Variants in LRRC8D observed in about 807,000 individuals in gnomAD.
The protein encoded by LRRC8D is volume-regulated anion channel subunit LRRC8D.
LRRC8D carries 20 observed loss-of-function variants against 55.8 expected under a neutral mutation model. That is an observed-to-expected ratio of 0.36 (90% CI 0.25 to 0.52). LRRC8D has a LOEUF of 0.52. LRRC8D is among the 20% of genes least tolerant of loss of function. LRRC8D has a pLI of 0.93. For synonymous variants in LRRC8D, 352 were observed against 377.0 expected (o/e 0.93, Z 0.77); for missense variants, 651 against 1,030.8 (o/e 0.63, Z 5.05).
At chr1:89,843,558 C>T (rs1024907809) in intron 1 of LRRC8D, 80 bp from the exon 2 acceptor site, 2 of 688,724 alleles carry the variant, frequency 2.9e-6, no homozygotes, top group Admixed American at 4.1e-5. Context: ...TCTTGCCTCC[C>T]CGCCGCCCTG....
chr1:89,891,719 C>G (rs1662584595), intron 2 of LRRC8D, among the ~76,000 whole-genome samples: 1 of 152,130 alleles, frequency 6.6e-6, no homozygotes, highest in African/African-American at 2.4e-5. Flanking sequence ...TATAATGGTA[C>G]CCAACATTGT....
At chr1:89,909,278 C>T (rs1487903990) in intron 2 of LRRC8D, among the ~76,000 whole-genome samples, 1 of 151,852 alleles carries the variant, frequency 6.6e-6, no homozygotes, top group Non-Finnish European at 1.5e-5. Flanking sequence ...TTTTCTTCTG[C>T]TTGTGATTGT....
rs980229743 is a variant in LRRC8D at position 89,934,319 on chromosome 1, G to C, written c.1251G>C (p.Ala417=). Residue 417 remains alanine (A), a synonymous_variant, in exon 3 of 3, where the codon GCG becomes GCC. Transcript: ENST00000337338. The surrounding 1 kb of genome is among the most constrained non-coding windows in gnomAD (Gnocchi z 5.9). ...TTCCAGATGTCAAAAACGATTTTGCGTTCCTTCTTCACATGGTAGACCAGT... is the reference window on the plus strand; with the variant it reads ...TTCCAGATGTCAAAAACGATTTTGCCTTCCTTCTTCACATGGTAGACCAGT... ...SDIPDVKNDF[A]FLLHMVDQYD... The C allele has an allele frequency of 2.5e-6, 4 of 1,613,812 alleles. No individual in the cohort carries two copies. The highest frequency in any genetic ancestry group is 2.5e-6 in the Non-Finnish European group (3 of 1,179,822).
chr1:89,874,963 A>G (rs1662113161), intron 2 of LRRC8D, among the ~76,000 whole-genome samples: 1 of 152,154 alleles, frequency 6.6e-6, no homozygotes, highest in African/African-American at 2.4e-5. Flanking sequence ...TATAATGGGA[A>G]TTTGAATCAT....
chr1:89,908,269 T>C (rs1663045028), intron 2 of LRRC8D, among the ~76,000 whole-genome samples: 1 of 152,256 alleles, frequency 6.6e-6, no homozygotes, highest in South Asian at 2.1e-4. Flanking sequence ...ATTTACAAAG[T>C]ATTTCATATT....
At chr1:89,868,355 A>G (rs1227607987) in intron 2 of LRRC8D, among the ~76,000 whole-genome samples, 4 of 152,194 alleles carry the variant, frequency 2.6e-5, no homozygotes, top group African/African-American at 9.6e-5. Flanking sequence ...CAGGCTGCGC[A>G]AACCGTCCCT....
At chr1:89,855,576 C>A (rs1229647800) in intron 2 of LRRC8D, among the ~76,000 whole-genome samples, 1 of 152,164 alleles carries the variant, frequency 6.6e-6, no homozygotes, top group African/African-American at 2.4e-5. Flanking sequence ...TTGGAAAATT[C>A]TTCACAGGAA....
intron 2 of LRRC8D, among the ~76,000 whole-genome samples, chr1:89,913,743 A>G (rs1242492370): frequency 6.6e-6 from 1 of 152,224 alleles, no homozygotes; most frequent in East Asian, 1.9e-4. Context: ...ATATTTTCTA[A>G]GTGGAAGAAT....
intron 2 of LRRC8D, among the ~76,000 whole-genome samples, chr1:89,874,110 A>G (rs2802031): frequency 0.33 from 50,021 of 152,140 alleles, 8,750 homozygotes; most frequent in African/African-American, 0.44. Flanking sequence ...AATATTTGTG[A>G]GGCACTTAAC....
intron 2 of LRRC8D, among the ~76,000 whole-genome samples, chr1:89,887,926 C>A (rs979639235): frequency 3.3e-5 from 5 of 152,146 alleles, no homozygotes; most frequent in African/African-American, 1.2e-4. Flanking sequence ...GAGGGGTGGA[C>A]TGATCATACC....
intron 2 of LRRC8D, among the ~76,000 whole-genome samples, chr1:89,924,019 G>A (rs1044404998): frequency 2.0e-5 from 3 of 152,160 alleles, no homozygotes; most frequent in Non-Finnish European, 4.4e-5. Flanking sequence ...GTTGGCCTTG[G>A]CAAAGAATTT....
intron 1 of LRRC8D, among the ~76,000 whole-genome samples, chr1:89,834,815 G>GC (rs1269094038): frequency 1.3e-5 from 2 of 152,194 alleles, no homozygotes; most frequent in Admixed American, 1.3e-4. Flanking sequence ...CGTTGGAGCA[G>GC]CAAAGCATGG....
chr1:89,874,936 C>G (rs956294909), intron 2 of LRRC8D, among the ~76,000 whole-genome samples: 8 of 152,118 alleles, frequency 5.3e-5, no homozygotes, highest in African/African-American at 1.7e-4. Context: ...AGTTCCTATA[C>G]AGTGGGAATA....
At chr1:89,865,626 G>A (rs552625808) in intron 2 of LRRC8D, among the ~76,000 whole-genome samples, 196 of 152,170 alleles carry the variant, frequency 1.3e-3, no homozygotes, top group Middle Eastern at 6.8e-3. Context: ...TTATGAACTC[G>A]AAAGCCTTGC....
chr1:89,852,162 T>C (rs1661435659), intron 2 of LRRC8D, among the ~76,000 whole-genome samples: 1 of 152,212 alleles, frequency 6.6e-6, no homozygotes, highest in African/African-American at 2.4e-5. Context: ...CGGATAAGAC[T>C]GATATCTGTG....
At chr1:89,930,778 T>A (rs1037353339) in intron 2 of LRRC8D, among the ~76,000 whole-genome samples, 5 of 150,884 alleles carry the variant, frequency 3.3e-5, no homozygotes, top group Admixed American at 2.7e-4. Flanking sequence ...GCATTCTAGA[T>A]AGGAACTGAA....
chr1:89,934,343 G>A lies in LRRC8D; in HGVS notation c.1275G>A (p.Gln425=). 1 of 1,613,856 alleles carries A rather than the reference G, an allele frequency of 6.2e-7. No homozygotes were observed. The highest frequency in any genetic ancestry group is 8.5e-7 in the Non-Finnish European group (1 of 1,179,928). Residue 425 remains glutamine (Q), a synonymous_variant, in exon 3 of 3, where the codon CAG becomes CAA. Transcript: ENST00000337338. This position sits in a 1 kb window ranked among gnomAD's most constrained non-coding sequence, Gnocchi z 5.9. ...DFAFLLHMVD[Q]YDQLYSKRFG... ...CGTTCCTTCTTCACATGGTAGACCA[G>A]TATGACCAGCTATATTCCAAGCGTT...
intron 2 of LRRC8D, among the ~76,000 whole-genome samples, chr1:89,857,596 C>G (rs1385901798): frequency 1.3e-5 from 2 of 152,148 alleles, no homozygotes; most frequent in Non-Finnish European, 2.9e-5. Flanking sequence ...TGTATACCCT[C>G]TCTCTGCTTC....
At chr1:89,847,394 T>C (rs941256188) in intron 2 of LRRC8D, among the ~76,000 whole-genome samples, 1 of 152,138 alleles carries the variant, frequency 6.6e-6, no homozygotes, top group African/African-American at 2.4e-5. Context: ...AAATGAGAGC[T>C]CATTGTTTTG....
Sources: gnomAD v4.1 joint callset for allele counts (sites outside exome capture counted in the v4.1 genomes callset) on GRCh38, gnomAD v4.1.1 for gene constraint, Gnocchi (gnomAD v3.1) non-coding constraint, MANE v1.5 for transcripts, NCBI Gene and HGNC (gene_info 2026-07-23, HGNC 2026-07-21) for gene names.